Variants in RAPGEF5 observed in about 807,000 individuals in gnomAD.
The protein encoded by RAPGEF5 is Rap guanine nucleotide exchange factor 5, also known as M-Ras-regulated GEF.
Under a neutral mutation model 125.2 loss-of-function variants are expected in RAPGEF5, and 65 were observed. The ratio of observed to expected loss-of-function variants is 0.52; its 90% CI spans 0.43 to 0.64. The LOEUF (loss-of-function observed/expected upper bound fraction) is 0.64, where lower values mean the gene tolerates loss of function less well. Ranked by LOEUF, RAPGEF5 falls within the 30% of genes least tolerant of loss-of-function variation. The pLI is 0.00. For missense variants in RAPGEF5, 958 were observed against 1,048.1 expected (o/e 0.91, Z 1.19); for synonymous variants, 391 against 385.9 (o/e 1.01, Z -0.16).
intron 7 of RAPGEF5, among the ~76,000 whole-genome samples, chr7:22,252,601 C>T (rs1786652236): frequency 6.6e-6 from 1 of 152,196 alleles, no homozygotes; most frequent in African/African-American, 2.4e-5. Context: ...AGGAATCTAA[C>T]TTCTTATACT....
chr7:22,181,160 C>T (rs967502124), intron 11 of RAPGEF5, among the ~76,000 whole-genome samples: 4 of 151,970 alleles, frequency 2.6e-5, no homozygotes, highest in Admixed American at 1.3e-4. Context: ...ACAAAACATA[C>T]GACATGACAG....
chr7:22,165,829 G>A (rs1341860731), intron 12 of RAPGEF5, among the ~76,000 whole-genome samples: 1 of 151,682 alleles, frequency 6.6e-6, no homozygotes, highest in Admixed American at 6.6e-5. Flanking sequence ...TAGGTCTTTT[G>A]TTTTTGAAGG....
chr7:22,223,542 G>A (rs1785843681), intron 8 of RAPGEF5, among the ~76,000 whole-genome samples: 2 of 152,170 alleles, frequency 1.3e-5, no homozygotes, highest in Admixed American at 1.3e-4. Flanking sequence ...GCTATTCCAG[G>A]ATGTTTACCT....
At chr7:22,226,870 T>C (rs532233714) in intron 8 of RAPGEF5, among the ~76,000 whole-genome samples, 2 of 152,316 alleles carry the variant, frequency 1.3e-5, no homozygotes, top group South Asian at 2.1e-4. Flanking sequence ...TACTGTGTAA[T>C]GCTGCATCCT....
chr7:22,276,053 C>A (rs1304875680), intron 6 of RAPGEF5, among the ~76,000 whole-genome samples: 1 of 152,162 alleles, frequency 6.6e-6, no homozygotes. Flanking sequence ...GCCCTAACTG[C>A]TGATCTACCT....
chr7:22,322,481 A>C (rs897887208), intron 1 of RAPGEF5, among the ~76,000 whole-genome samples: 2 of 152,078 alleles, frequency 1.3e-5, no homozygotes, highest in African/African-American at 4.8e-5. Flanking sequence ...ACATTACTTA[A>C]TACTTGAAAA....
At position 22,203,868 on chromosome 7, in the gene RAPGEF5, C is replaced by T. The variant is rs57412417; in HGVS notation, c.997-9835G>A. ...CCTGACAGAGGCCTATTTGAGATCACGTCGGAAGAAATGAGGATGCAGAAA... is the reference window on the plus strand; with the variant it reads ...CCTGACAGAGGCCTATTTGAGATCATGTCGGAAGAAATGAGGATGCAGAAA... On this transcript the variant is annotated intron_variant, in intron 9 of 25. Transcript: ENST00000665637. 9.1e-3 allele frequency among the ~76,000 whole-genome samples: 1,381 copies of T among 152,130 alleles called. 25 individuals carry two copies. The highest frequency in any genetic ancestry group is 0.032 in the African/African-American group (1,331 of 41,490).
rs754536871 is a variant in RAPGEF5, at chr7:22,162,441, T to C, written c.1384A>G (p.Lys462Glu). ...TGTTCATCTTCAGGTAACCAGTCTT[T>C]GTACAGAGCAATCCACTGGGAAACA... The part of the protein sequence containing the change: ...HLVSQWIALY[K>E]DWLPEDEHSK... The change falls in exon 13 of 26, where the codon AAA becomes GAA. Residue 462 changes from lysine (K) to glutamate (E), a missense_variant. Transcript: ENST00000665637. The C allele has an allele frequency of 8.7e-6, 14 of 1,600,496 alleles. No individual in the cohort carries two copies. Among genetic ancestry groups the C allele is most frequent in the Non-Finnish European group, 1.1e-5 (13 of 1,167,678 alleles).
chr7:22,340,591 C>T (rs1159133343), intron 1 of RAPGEF5, among the ~76,000 whole-genome samples: 1 of 152,226 alleles, frequency 6.6e-6, no homozygotes, highest in Admixed American at 6.5e-5. Flanking sequence ...AGGGTCTGAG[C>T]CTGGAAAAGG....
intron 1 of RAPGEF5, among the ~76,000 whole-genome samples, chr7:22,350,669 T>C (rs1304381994): frequency 2.6e-5 from 4 of 152,190 alleles, no homozygotes; most frequent in Non-Finnish European, 5.9e-5. Flanking sequence ...GATCTAATTA[T>C]GTCACCAAAG....
chr7:22,314,374 T>G (rs1783543417), intron 3 of RAPGEF5, among the ~76,000 whole-genome samples: 1 of 152,142 alleles, frequency 6.6e-6, no homozygotes, highest in Non-Finnish European at 1.5e-5. Context: ...CATTTTACTA[T>G]AGAAAAATTA....
At chr7:22,255,463 C>T (rs1189313042) in intron 7 of RAPGEF5, among the ~76,000 whole-genome samples, 3 of 151,894 alleles carry the variant, frequency 2.0e-5, no homozygotes, top group Non-Finnish European at 4.4e-5. Context: ...CATGGTGGCA[C>T]ATGACTGTAG....
chr7:22,206,468 G>T (rs1785398886), intron 9 of RAPGEF5, among the ~76,000 whole-genome samples: 1 of 152,150 alleles, frequency 6.6e-6, no homozygotes, highest in African/African-American at 2.4e-5. Flanking sequence ...TTAGGAGGGT[G>T]AGTTGGGAGG....
At chr7:22,219,592 A>G (rs1275515675) in intron 9 of RAPGEF5, among the ~76,000 whole-genome samples, 5 of 151,986 alleles carry the variant, frequency 3.3e-5, no homozygotes, top group Non-Finnish European at 7.4e-5. Context: ...AAGCAGGATC[A>G]TAAATAGATA....
chr7:22,219,846 C>T lies in RAPGEF5; in HGVS notation c.996+20G>A. On this transcript the variant is annotated intron_variant, in intron 9 of 25. Coordinates refer to ENST00000665637, the MANE Select transcript of RAPGEF5 (RefSeq NM_012294.5). ...TTTCCACCCCTTCAAACCTGCATCCCCAAGAGGCAAAAGGCTTACGTGTTC... is the reference window on the plus strand; with the variant it reads ...TTTCCACCCCTTCAAACCTGCATCCTCAAGAGGCAAAAGGCTTACGTGTTC... 1.3e-6 allele frequency: 2 copies of T among 1,579,634 alleles called. No homozygotes were observed. Among genetic ancestry groups the T allele is most frequent in the Non-Finnish European group, 8.6e-7 (1 of 1,156,560 alleles).
intron 11 of RAPGEF5, among the ~76,000 whole-genome samples, chr7:22,179,454 G>A (rs1784607079): frequency 1.3e-5 from 2 of 152,108 alleles, no homozygotes; most frequent in South Asian, 2.1e-4. Flanking sequence ...GGATATCAGA[G>A]ATAATCCAAA....
chr7:22,315,410 C>A lies in RAPGEF5; in HGVS notation c.349G>T (p.Asp117Tyr). The change falls in exon 3 of 26, where the codon GAC becomes TAC. Residue 117 changes from aspartate (D) to tyrosine (Y), a missense_variant. By Grantham distance (160) the Asp-to-Tyr change is radical (BLOSUM62 -3). Coordinates refer to ENST00000665637, the MANE Select transcript of RAPGEF5 (RefSeq NM_012294.5). ...AGGTTCACTCTGTCCTTTATCAGGT[C>A]AGCTGCTTGAACGATAATAATATTC... ...LRNIIIVQAA[D>Y]LIKDRVNLKG... is the part of the protein sequence containing the mutation. 1 of 1,539,756 alleles carries A rather than the reference C, an allele frequency of 6.5e-7. No homozygotes were observed. The highest frequency in any genetic ancestry group is 2.5e-5 in the East Asian group (1 of 40,120).
intron 10 of RAPGEF5, 131 bp from the exon 11 acceptor site, chr7:22,193,586 C>G: frequency 1.3e-6 from 2 of 1,551,334 alleles, no homozygotes; most frequent in South Asian, 1.2e-5. Flanking sequence ...AAGGGCAGCT[C>G]TCGGTCTGAG....
At chr7:22,313,949 G>T (rs1158556833) in intron 3 of RAPGEF5, among the ~76,000 whole-genome samples, 1 of 152,144 alleles carries the variant, frequency 6.6e-6, no homozygotes, top group African/African-American at 2.4e-5. Flanking sequence ...GGCTATGAAT[G>T]AATCCCTAAT....
Sources: allele counts gnomAD v4.1 joint callset (sites outside exome capture counted in the v4.1 genomes callset), GRCh38; gene constraint gnomAD v4.1.1; transcripts MANE v1.5; gene names NCBI Gene and HGNC (gene_info 2026-07-23, HGNC 2026-07-21).